The following BICD1 variants were observed in gnomAD, a reference collection of about 807,000 sequenced individuals.
The protein encoded by BICD1 is BICD cargo adaptor 1, also known as protein bicaudal D homolog 1.
Under a neutral mutation model 92.5 loss-of-function variants are expected in BICD1, and 35 were observed. That is an observed-to-expected ratio of 0.38 (90% CI 0.29 to 0.50). The LOEUF is 0.50. Among genes scored for constraint, BICD1 ranks in the 20% least tolerant of loss-of-function variants. The pLI, the probability that BICD1 is intolerant of heterozygous loss-of-function variation, is 0.93. For missense variants in BICD1, 950 were observed against 1,189.8 expected (o/e 0.80, Z 2.97); for synonymous variants, 429 against 465.1 (o/e 0.92, Z 1.00).
intron 2 of BICD1, among the ~76,000 whole-genome samples, chr12:32,229,739 TGAG>T (rs1222418279): frequency 1.3e-5 from 2 of 152,088 alleles, no homozygotes; most frequent in East Asian, 1.9e-4. Flanking sequence ...ACCAAAGAAA[TGAG>T]GAGGTAGCTA....
intron 1 of BICD1, among the ~76,000 whole-genome samples, chr12:32,134,340 A>G (rs1310394026): frequency 6.6e-6 from 1 of 152,194 alleles, no homozygotes; most frequent in East Asian, 1.9e-4. Context: ...CCAAGTAAAA[A>G]GCTGATATGA....
chr12:32,177,352 T>C (rs1944123980), intron 1 of BICD1, among the ~76,000 whole-genome samples: 1 of 151,288 alleles, frequency 6.6e-6, no homozygotes, highest in Admixed American at 6.6e-5. Context: ...AAATATCGTG[T>C]CTTTGATTTT....
intron 1 of BICD1, among the ~76,000 whole-genome samples, chr12:32,114,186 T>C (rs990644423): frequency 3.3e-5 from 5 of 152,034 alleles, no homozygotes; most frequent in East Asian, 3.9e-4. Context: ...TTTGTACTTT[T>C]AGTAGAGAGA....
chr12:32,258,871 A>C, intron 2 of BICD1, among the ~76,000 whole-genome samples: 1 of 152,236 alleles, frequency 6.6e-6, no homozygotes, highest in East Asian at 1.9e-4. Context: ...GAGCGTGACC[A>C]CTGAAGCACA....
chr12:32,359,119 ACTCTCTGT>A (rs201502810), intron 8 of BICD1, among the ~76,000 whole-genome samples: 1,808 of 152,232 alleles, frequency 0.012, 107 homozygotes, highest in Admixed American at 0.11. Flanking sequence ...ACAATCTATA[ACTCTCTGT>A]CAATTTCCTA....
intron 1 of BICD1, among the ~76,000 whole-genome samples, chr12:32,135,593 A>C (rs1435563501): frequency 5.9e-5 from 9 of 151,416 alleles, no homozygotes; most frequent in Admixed American, 5.9e-4. Context: ...TAGAGACAAC[A>C]CTTCACTATA....
rs767620799 is a variant in BICD1, at chr12:32,107,376, T to C, written c.45T>C (p.Thr15=). Residue 15 remains threonine (T), a synonymous_variant, in exon 1 of 10, where the codon ACT becomes ACC. Coordinates refer to ENST00000652176, the MANE Select transcript of BICD1 (RefSeq NM_001714.4). The stretch of plus-strand genomic sequence containing the variant: ...TGCAGACGGTGGACCATTATAAGAC[T>C]GAGATAGAGAGGCTAACCAAGGAGC... ...EVLQTVDHYK[T]EIERLTKELT... The C allele has an allele frequency of 6.2e-7, 1 of 1,610,874 alleles. No homozygotes were observed. The highest frequency in any genetic ancestry group is 2.2e-5 in the East Asian group (1 of 44,818).
Position 32,313,970 on chromosome 12 carries a change from C to T in BICD1, c.1005+7848C>T, listed in dbSNP as rs976698252. ...CTGCACTCCAGCCTAGGTGAAAGAG[C>T]GTGACCCTATCAATAAATAAATAAA... On this transcript the variant is annotated intron_variant, in intron 4 of 9. Coordinates refer to ENST00000652176, the MANE Select transcript of BICD1 (RefSeq NM_001714.4). This position sits in a 1 kb window ranked among gnomAD's most constrained non-coding sequence, Gnocchi z 4.2. Among the ~76,000 whole-genome samples, 4 of 152,114 alleles carry T rather than the reference C, an allele frequency of 2.6e-5. No homozygotes were observed. The highest frequency in any genetic ancestry group is 2.4e-5 in the African/African-American group (1 of 41,434).
rs375044182 is a variant in BICD1 at position 32,116,611 on chromosome 12, A to G, written c.213+9067A>G. Among the ~76,000 whole-genome samples the G allele has an allele frequency of 4.6e-5, 7 of 151,166 alleles. No individual in the cohort carries two copies. In the East Asian group the frequency reaches 1.2e-3, roughly 25 times the overall value. Reference sequence around the variant, plus strand: ...TACAGCCCACTGCAGCCTTGACCTCACAGGTTCAAGTAATCCTCCCACCTC... The same window carrying G: ...TACAGCCCACTGCAGCCTTGACCTCGCAGGTTCAAGTAATCCTCCCACCTC... On this transcript the variant is annotated intron_variant, in intron 1 of 9. Transcript: ENST00000652176.
At chr12:32,215,261 C>G (rs770017193) in intron 1 of BICD1, among the ~76,000 whole-genome samples, 1 of 152,120 alleles carries the variant, frequency 6.6e-6, no homozygotes, top group Non-Finnish European at 1.5e-5. Context: ...AAAGGCATTT[C>G]AGAAAAGTGT....
intron 8 of BICD1, chr12:32,339,808 CTATT>C (rs1938290357): frequency 4.2e-5 from 41 of 984,350 alleles, no homozygotes; most frequent in Non-Finnish European, 4.9e-5. Context: ...AAAAATAAAA[CTATT>C]TAAGTTAGTT....
rs1463665444 is a variant in BICD1, at chr12:32,346,622, ATATATATATATACGTG to A, written c.2764+7656_2764+7671del. Reference sequence around the variant, plus strand: ...TATATATATATATATACGTGTATATATATATATATATACGTGTATATATATATATATATATACACAC... The same window carrying A: ...TATATATATATATATACGTGTATATATATATATATATATATATATACACAC... On this transcript the variant is annotated intron_variant, in intron 8 of 9. Coordinates refer to ENST00000652176, the MANE Select transcript of BICD1 (RefSeq NM_001714.4). Among the ~76,000 whole-genome samples, 92 of 17,208 alleles carry A rather than the reference ATATATATATATACGTG, an allele frequency of 5.3e-3. 4 individuals are homozygous for A. The highest frequency in any genetic ancestry group is 0.01 in the African/African-American group (35 of 3,420). 11.3% of individuals were successfully genotyped at this position (17,208 alleles called of 152,430 possible).
intron 1 of BICD1, among the ~76,000 whole-genome samples, chr12:32,118,756 C>A (rs1057211002): frequency 6.6e-6 from 1 of 152,170 alleles, no homozygotes; most frequent in Non-Finnish European, 1.5e-5. Context: ...ACTGTATTTA[C>A]GTTATCTACC....
At chr12:32,342,123 T>G (rs1938389047) in intron 8 of BICD1, among the ~76,000 whole-genome samples, 1 of 138,316 alleles carries the variant, frequency 7.2e-6, no homozygotes, top group Non-Finnish European at 1.6e-5. Context: ...TTTACATATA[T>G]ATGTATATAT....
In BICD1 at chr12:32,107,118, C is replaced by T; in HGVS notation, c.-214C>T. ...TTGCCGCCTCGCCCCTGACCCTCTG[C>T]CCTGTTCTCCATGTTGCATTTCTCG... On this transcript the variant is annotated 5_prime_UTR_variant, in exon 1 of 10. Transcript: ENST00000652176. 1.7e-6 allele frequency: 1 copy of T among 588,096 alleles called. No homozygotes were observed. Among genetic ancestry groups the T allele is most frequent in the South Asian group, 2.0e-5 (1 of 50,402 alleles). 36.4% of individuals were successfully genotyped at this position (588,096 alleles called of 1,614,324 possible).
At chr12:32,195,738 C>T (rs1944707915) in intron 1 of BICD1, among the ~76,000 whole-genome samples, 1 of 151,820 alleles carries the variant, frequency 6.6e-6, no homozygotes, top group African/African-American at 2.4e-5. Context: ...TTGGAAATGA[C>T]AACAAAAGCA....
intron 8 of BICD1, among the ~76,000 whole-genome samples, chr12:32,360,304 A>T (rs955187666): frequency 2.0e-5 from 3 of 152,214 alleles, no homozygotes; most frequent in Non-Finnish European, 2.9e-5. Context: ...TATGAAAGAT[A>T]GAGGAAGAGG....
intron 8 of BICD1, among the ~76,000 whole-genome samples, chr12:32,346,521 AAT>A (rs752939205): frequency 0.033 from 3,347 of 101,940 alleles, 165 homozygotes; most frequent in South Asian, 0.065. Context: ...TGTCAAAAAA[AAT>A]ATATATATAC....
chr12:32,280,973 A>G (rs1474187191), intron 2 of BICD1, among the ~76,000 whole-genome samples: 3 of 152,242 alleles, frequency 2.0e-5, no homozygotes, highest in Non-Finnish European at 4.4e-5. Flanking sequence ...GCTCTTACAG[A>G]GTCTCAGTGC....
Sources: allele counts gnomAD v4.1 joint callset (sites outside exome capture counted in the v4.1 genomes callset), GRCh38; gene constraint gnomAD v4.1.1; non-coding constraint Gnocchi (gnomAD v3.1); transcripts MANE v1.5; gene names NCBI Gene and HGNC (gene_info 2026-07-23, HGNC 2026-07-21).